Variants in ELOVL5 observed in about 807,000 individuals in gnomAD.
The protein encoded by ELOVL5 is ELOVL fatty acid elongase 5.
Under a neutral mutation model 38.6 loss-of-function variants are expected in ELOVL5, and 8 were observed. That is an observed-to-expected ratio of 0.21 (90% confidence interval 0.12 to 0.37). The LOEUF (loss-of-function observed/expected upper bound fraction) is 0.37, where lower values mean the gene tolerates loss of function less well. Ranked by LOEUF, ELOVL5 falls within the 10% of genes least tolerant of loss-of-function variation. The pLI is 1.00. For synonymous variants in ELOVL5, 127 were observed against 133.7 expected (o/e 0.95, Z 0.34); for missense variants, 280 against 367.8 (o/e 0.76, Z 1.95).
chr6:53,325,607 A>G (rs1768509645), intron 1 of ELOVL5, among the ~76,000 whole-genome samples: 1 of 152,190 alleles, frequency 6.6e-6, no homozygotes, highest in Non-Finnish European at 1.5e-5. Context: ...TTTGCTCAGG[A>G]GGAAGATCCA....
intron 3 of ELOVL5, among the ~76,000 whole-genome samples, chr6:53,285,927 G>C (rs1331645929): frequency 6.6e-6 from 1 of 152,038 alleles, no homozygotes; most frequent in African/African-American, 2.4e-5. Context: ...ATTTAGGTAT[G>C]TCTACTGTTT....
intron 1 of ELOVL5, among the ~76,000 whole-genome samples, chr6:53,308,175 AATT>A (rs1306873157): frequency 6.6e-6 from 1 of 152,186 alleles, no homozygotes; most frequent in African/African-American, 2.4e-5. Flanking sequence ...AGATCTCTGT[AATT>A]AAGACCTAGA....
intron 1 of ELOVL5, among the ~76,000 whole-genome samples, chr6:53,298,733 T>C (rs1767122692): frequency 6.6e-6 from 1 of 152,104 alleles, no homozygotes; most frequent in Admixed American, 6.5e-5. Context: ...ACTGCTGGCA[T>C]TACAGTGGAA....
At chr6:53,272,070 T>C (rs1263983617) in intron 6 of ELOVL5, among the ~76,000 whole-genome samples, 2 of 152,172 alleles carry the variant, frequency 1.3e-5, no homozygotes, top group African/African-American at 4.8e-5. Flanking sequence ...GAGGTGAAAA[T>C]GAAACATCAA....
chr6:53,330,986 C>T (rs1186600717), intron 1 of ELOVL5, among the ~76,000 whole-genome samples: 1 of 152,128 alleles, frequency 6.6e-6, no homozygotes, highest in Non-Finnish European at 1.5e-5. Flanking sequence ...CCTGAAAGAC[C>T]TGCCGGAAGC....
chr6:53,285,854 C>G (rs555126945), intron 3 of ELOVL5, among the ~76,000 whole-genome samples: 3 of 152,328 alleles, frequency 2.0e-5, no homozygotes, highest in South Asian at 2.1e-4. Context: ...AATTCTCCCA[C>G]CTCGGCCTCT....
chr6:53,313,119 T>C (rs1378720887), intron 1 of ELOVL5, among the ~76,000 whole-genome samples: 1 of 152,192 alleles, frequency 6.6e-6, no homozygotes, highest in Non-Finnish European at 1.5e-5. Context: ...TCATGAAAGA[T>C]ACCAAATAAA....
At chr6:53,319,942 G>A (rs1282136568) in intron 1 of ELOVL5, among the ~76,000 whole-genome samples, 2 of 152,176 alleles carry the variant, frequency 1.3e-5, no homozygotes, top group Non-Finnish European at 2.9e-5. Flanking sequence ...TAAGACGAAG[G>A]TTTGGTTTTA....
chr6:53,290,974 G>C (rs994987352), intron 3 of ELOVL5, among the ~76,000 whole-genome samples: 5 of 152,110 alleles, frequency 3.3e-5, no homozygotes, highest in African/African-American at 7.2e-5. Flanking sequence ...CTCCAGAAGA[G>C]TTAGAAATAG....
chr6:53,348,320 C>G (rs988626315), intron 1 of ELOVL5, among the ~76,000 whole-genome samples: 2 of 151,872 alleles, frequency 1.3e-5, no homozygotes, highest in Admixed American at 1.3e-4. Flanking sequence ...CCGGTGCCCG[C>G]AGACCCTCGC....
At chr6:53,323,345 T>A (rs1293250788) in intron 1 of ELOVL5, among the ~76,000 whole-genome samples, 1 of 152,232 alleles carries the variant, frequency 6.6e-6, no homozygotes, top group African/African-American at 2.4e-5. Flanking sequence ...ACAACGTTTA[T>A]GTGACACTTA....
At chr6:53,287,862 CCT>C in intron 3 of ELOVL5, 2 of 1,535,584 alleles carry the variant, frequency 1.3e-6, no homozygotes, top group South Asian at 2.4e-5. Context: ...CAACACTGAC[CCT>C]GTTTTCTGGC....
At chr6:53,308,478 C>CAATG (rs1294209137) in intron 1 of ELOVL5, among the ~76,000 whole-genome samples, 1 of 152,146 alleles carries the variant, frequency 6.6e-6, no homozygotes, top group African/African-American at 2.4e-5. Flanking sequence ...ATGAGTGGAT[C>CAATG]AATGAATGAA....
At chr6:53,287,399 G>A (rs1766613766) in intron 3 of ELOVL5, among the ~76,000 whole-genome samples, 1 of 152,208 alleles carries the variant, frequency 6.6e-6, no homozygotes, top group African/African-American at 2.4e-5. Flanking sequence ...TAGTAACAGT[G>A]GGATGAAGAA....
At chr6:53,320,045 G>A (rs1768233393) in intron 1 of ELOVL5, among the ~76,000 whole-genome samples, 1 of 152,124 alleles carries the variant, frequency 6.6e-6, no homozygotes, top group East Asian at 1.9e-4. Context: ...CAGGTGCAGT[G>A]GCTCATGCCT....
intron 1 of ELOVL5, among the ~76,000 whole-genome samples, chr6:53,331,852 T>G (rs1005337023): frequency 4.6e-5 from 7 of 152,178 alleles, no homozygotes; most frequent in African/African-American, 1.4e-4. Context: ...ATAAAGAGGT[T>G]TATTTTAGCT....
chr6:53,321,733 C>G (rs1347702511), intron 1 of ELOVL5, among the ~76,000 whole-genome samples: 2 of 152,124 alleles, frequency 1.3e-5, no homozygotes, highest in Non-Finnish European at 2.9e-5. Context: ...ACTAGTATGT[C>G]AGAAATATAA....
intron 4 of ELOVL5, 49 bp from the exon 5 acceptor site, chr6:53,275,310 G>A: frequency 1.3e-6 from 2 of 1,574,774 alleles, no homozygotes; most frequent in Non-Finnish European, 1.7e-6. Context: ...CGGCTTCTCT[G>A]GAATATCACC....
At chr6:53,312,487 GATTAACAA>G (rs1026598284) in intron 1 of ELOVL5, among the ~76,000 whole-genome samples, 5 of 152,192 alleles carry the variant, frequency 3.3e-5, no homozygotes, top group African/African-American at 1.2e-4. Flanking sequence ...ATAGAAAAGA[GATTAACAA>G]ATTGCCTGGG....
Sources: allele counts gnomAD v4.1 joint callset (sites outside exome capture counted in the v4.1 genomes callset), GRCh38; gene constraint gnomAD v4.1.1; transcripts MANE v1.5; gene names NCBI Gene and HGNC (gene_info 2026-07-23, HGNC 2026-07-21).